Variants in RAB32 observed in about 807,000 individuals in gnomAD.
The protein encoded by RAB32 is RAB32, member RAS oncogene family, also known as ras-related protein Rab-32.
A neutral mutation model predicts 17.5 loss-of-function variants in RAB32; 17 were observed. That is an observed-to-expected ratio of 0.97 (90% CI 0.67 to 1.46). The LOEUF is 1.46. Ranked by LOEUF, RAB32 falls within the 40% of genes most tolerant of loss-of-function variation. The pLI is 0.00. For synonymous variants in RAB32, 115 were observed against 111.1 expected (o/e 1.04, Z -0.22); for missense variants, 288 against 284.3 (o/e 1.01, Z -0.09).
chr6:146,544,767 TCGCCCCCCCC>T (rs1779799259), intron 1 of RAB32, among the ~76,000 whole-genome samples: 2 of 58,576 alleles, frequency 3.4e-5, no homozygotes, highest in South Asian at 5.2e-4. Context: ...CCTGGTGCCC[TCGCCCCCCCC>T]CGCCCCCCCC....
chr6:146,545,365 T>C (rs1242438556), intron 1 of RAB32, among the ~76,000 whole-genome samples: 1 of 151,892 alleles, frequency 6.6e-6, no homozygotes. Context: ...TGGGAGCTGG[T>C]TTAGGGTTAG....
chr6:146,548,867 G>T (rs1045459387), intron 1 of RAB32, among the ~76,000 whole-genome samples: 1 of 152,180 alleles, frequency 6.6e-6, no homozygotes, highest in African/African-American at 2.4e-5. Flanking sequence ...GATTCTTCTT[G>T]TAACAACACA....
At chr6:146,554,054 G>A (rs960629902) in intron 2 of RAB32, among the ~76,000 whole-genome samples, 11 of 152,166 alleles carry the variant, frequency 7.2e-5, no homozygotes, top group Admixed American at 5.2e-4. Context: ...TTTTAATGTT[G>A]TTTGAGCCCT....
intron 1 of RAB32, 27 bp from the exon 2 acceptor site, chr6:146,549,437 T>G (rs1159989348): frequency 6.3e-7 from 1 of 1,590,772 alleles, no homozygotes; most frequent in Admixed American, 1.8e-5. Flanking sequence ...TTACAAGTTT[T>G]TAATTTTTTC....
At chr6:146,547,919 A>G (rs1447070784) in intron 1 of RAB32, among the ~76,000 whole-genome samples, 3 of 152,258 alleles carry the variant, frequency 2.0e-5, no homozygotes, top group Admixed American at 6.5e-5. Context: ...AGACTGTCAT[A>G]TCTTGTTGCT....
At chr6:146,550,656 C>CA (rs11399832) in intron 2 of RAB32, among the ~76,000 whole-genome samples, 87,815 of 127,112 alleles carry the variant, frequency 0.69, 29,387 homozygotes, top group African/African-American at 0.71. Flanking sequence ...GACCCCATCT[C>CA]AAAAAAAAAA....
At chr6:146,546,432 CAA>C (rs3840129) in intron 1 of RAB32, among the ~76,000 whole-genome samples, 1 of 145,966 alleles carries the variant, frequency 6.9e-6, no homozygotes, top group Non-Finnish European at 1.5e-5. Context: ...AGACCAAAAA[CAA>C]AAAAAAAACA....
intron 1 of RAB32, among the ~76,000 whole-genome samples, chr6:146,547,637 T>G (rs1779840006): frequency 6.6e-6 from 1 of 151,436 alleles, no homozygotes; most frequent in Admixed American, 6.6e-5. Context: ...CCTAGTAATA[T>G]CCCTTTGTCT....
chr6:146,547,108 A>G (rs762022181), intron 1 of RAB32, among the ~76,000 whole-genome samples: 26 of 152,312 alleles, frequency 1.7e-4, no homozygotes, highest in Non-Finnish European at 3.2e-4. Context: ...TAACTGAAAT[A>G]TACTAAAATC....
intron 1 of RAB32, among the ~76,000 whole-genome samples, chr6:146,545,440 C>G (rs900024856): frequency 6.6e-6 from 1 of 152,192 alleles, no homozygotes. Context: ...GGTATAGCTA[C>G]CTGGCTGGTA....
At chr6:146,550,432 C>T (rs1312993447) in intron 2 of RAB32, among the ~76,000 whole-genome samples, 1 of 151,906 alleles carries the variant, frequency 6.6e-6, no homozygotes, top group Non-Finnish European at 1.5e-5. Flanking sequence ...ATGGATCGGG[C>T]AGATCGCTTG....
chr6:146,548,624 T>C (rs1779853842), intron 1 of RAB32, among the ~76,000 whole-genome samples: 1 of 152,208 alleles, frequency 6.6e-6, no homozygotes, highest in Non-Finnish European at 1.5e-5. Flanking sequence ...ACCTGGATTC[T>C]AGTCCTGTCT....
At chr6:146,552,725 C>T (rs552074994) in intron 2 of RAB32, among the ~76,000 whole-genome samples, 3 of 152,142 alleles carry the variant, frequency 2.0e-5, no homozygotes, top group Admixed American at 2.0e-4. Flanking sequence ...AATTAACTTA[C>T]CTCGTGCTCA....
intron 2 of RAB32, among the ~76,000 whole-genome samples, chr6:146,551,505 G>A (rs190318186): frequency 7.8e-4 from 119 of 151,598 alleles, no homozygotes; most frequent in Non-Finnish European, 7.5e-4. Context: ...GATTACAGGC[G>A]TGTTCTTCTG....
At chr6:146,548,560 A>G (rs976544363) in intron 1 of RAB32, among the ~76,000 whole-genome samples, 6 of 152,178 alleles carry the variant, frequency 3.9e-5, no homozygotes, top group African/African-American at 1.4e-4. Context: ...GGCAACTGCA[A>G]GATAGTTCAG....
At chr6:146,549,255 T>C (rs1212501697) in intron 1 of RAB32, among the ~76,000 whole-genome samples, 1 of 152,216 alleles carries the variant, frequency 6.6e-6, no homozygotes, top group East Asian at 1.9e-4. Context: ...AACATAAAAC[T>C]AATTCATTAT....
chr6:146,543,866 G>T lies in RAB32; in HGVS notation c.-6G>T, dbSNP rs1779782552. On this transcript the variant is annotated 5_prime_UTR_variant, in exon 1 of 3. Transcript: ENST00000367495. ...AGTCGAGGCGCGCCCGACAGCCGCAGCGCTCATGGCGGGCGGAGGAGCCGG... is the reference window on the plus strand; with the variant it reads ...AGTCGAGGCGCGCCCGACAGCCGCATCGCTCATGGCGGGCGGAGGAGCCGG... The T allele has an allele frequency of 6.9e-7, 1 of 1,442,606 alleles. No homozygotes were observed. 89.4% of individuals were successfully genotyped at this position (1,442,606 alleles called of 1,614,324 possible). A position where few individuals can be genotyped will look rare whatever the true frequency, so the allele number is the denominator to read the frequency against.
In RAB32 at chr6:146,549,633, C is replaced by T. The variant is rs1779871079; in HGVS notation, c.420C>T (p.Leu140=). Residue 140 remains leucine (L), a synonymous_variant, in exon 2 of 3, where the codon CTC becomes CTT. Transcript: ENST00000367495. ...ATGGCAGCCCTATCCCTGCTGTCCT[C>T]TTGGCTAACAAATGTGACCAGAACA... ...LPNGSPIPAV[L]LANKCDQNKD... is the part of the protein sequence containing the mutation. 1.2e-6 allele frequency: 2 copies of T among 1,614,176 alleles called. No individual in the cohort carries two copies. Among genetic ancestry groups the T allele is most frequent in the Non-Finnish European group, 8.5e-7 (1 of 1,180,020 alleles).
chr6:146,544,674 C>T (rs951609741), intron 1 of RAB32, among the ~76,000 whole-genome samples: 2 of 151,902 alleles, frequency 1.3e-5, no homozygotes, highest in African/African-American at 4.8e-5. Flanking sequence ...CGAGGACAGA[C>T]ACTCCGTGAA....
Sources: allele counts gnomAD v4.1 joint callset (sites outside exome capture counted in the v4.1 genomes callset), GRCh38; gene constraint gnomAD v4.1.1; transcripts MANE v1.5; gene names NCBI Gene and HGNC (gene_info 2026-07-23, HGNC 2026-07-21).